The following ARID1B variants were observed in gnomAD, a reference collection of about 807,000 sequenced individuals.
The protein encoded by ARID1B is AT-rich interactive domain-containing protein 1B.
In ARID1B, 30 loss-of-function variants were observed where a neutral mutation model predicts 212.3. The ratio of observed to expected loss-of-function variants is 0.14; its 90% CI spans 0.11 to 0.19. The LOEUF (loss-of-function observed/expected upper bound fraction) is 0.19. Among genes scored for constraint, ARID1B ranks in the 10% least tolerant of loss-of-function variants. The pLI is 1.00. For synonymous variants in ARID1B, 1,402 were observed against 1,301.7 expected, an observed-to-expected ratio of 1.08 and a Z score of -1.66; for missense variants, 2,891 against 3,204.0, an observed-to-expected ratio of 0.90 and a Z score of 2.36.
chr6:157,110,378 TA>T, intron 5 of ARID1B, 93 bp from the exon 6 acceptor site: 1 of 1,092,342 alleles, frequency 9.2e-7, no homozygotes, highest in Non-Finnish European at 1.4e-6. Context: ...TTTGTGATCA[TA>T]AAAATTAAAT....
chr6:157,034,038 T>C (rs1781173756), intron 4 of ARID1B, among the ~76,000 whole-genome samples: 1 of 152,214 alleles, frequency 6.6e-6, no homozygotes, highest in Non-Finnish European at 1.5e-5. Context: ...TATGTCCTAA[T>C]TTTACATTTG....
chr6:157,154,243 C>T (rs1252576415), intron 8 of ARID1B, among the ~76,000 whole-genome samples: 2 of 152,170 alleles, frequency 1.3e-5, no homozygotes, highest in African/African-American at 4.8e-5. Context: ...GATGGACAAA[C>T]AGATTTTAAT....
intron 1 of ARID1B, among the ~76,000 whole-genome samples, chr6:156,803,485 C>T (rs1322870672): frequency 6.6e-6 from 1 of 152,126 alleles, no homozygotes; most frequent in Non-Finnish European, 1.5e-5. Flanking sequence ...CCATCTTCCT[C>T]CCTCTGTACT....
chr6:157,010,389 C>G (rs1428798328), intron 4 of ARID1B, among the ~76,000 whole-genome samples: 1 of 144,342 alleles, frequency 6.9e-6, no homozygotes, highest in Non-Finnish European at 1.5e-5. Context: ...AGTGGCTGAT[C>G]TTGGCTCACT....
intron 11 of ARID1B, among the ~76,000 whole-genome samples, chr6:157,178,620 A>C (rs1277627872): frequency 1.3e-5 from 2 of 152,238 alleles, no homozygotes; most frequent in East Asian, 1.9e-4. Flanking sequence ...GCCTCTTAGA[A>C]GATCTAAAAA....
intron 2 of ARID1B, among the ~76,000 whole-genome samples, chr6:156,834,817 A>C (rs1487052000): frequency 6.6e-6 from 1 of 152,232 alleles, no homozygotes; most frequent in Non-Finnish European, 1.5e-5. Flanking sequence ...TCAGCAGTGA[A>C]CATGAAGGTA....
At chr6:156,894,167 A>C (rs1229077992) in intron 2 of ARID1B, among the ~76,000 whole-genome samples, 1 of 152,078 alleles carries the variant, frequency 6.6e-6, no homozygotes, top group Non-Finnish European at 1.5e-5. Flanking sequence ...TCAGACACAA[A>C]ATAAGCCAGA....
chr6:157,200,855 G>A lies in ARID1B; in HGVS notation c.4630G>A (p.Gly1544Ser), dbSNP rs765083250. Reference sequence around the variant, plus strand: ...GGGCCCGGACCGCAGGCCCATCCAGGGCCAGTACCCGTATCCCTACAGCAG... The same window carrying A: ...GGGCCCGGACCGCAGGCCCATCCAGAGCCAGTACCCGTATCCCTACAGCAG... The part of the protein sequence containing the change: ...YSGPDRRPIQ[G>S]QYPYPYSRER... The change falls in exon 18 of 20, where the codon GGC becomes AGC. Residue 1544 changes from glycine to serine, a missense_variant. By Grantham distance (56) the Gly-to-Ser change is moderately conservative (BLOSUM62 0). Coordinates refer to ENST00000636930, the MANE Select transcript of ARID1B (RefSeq NM_001374828.1). The surrounding 1 kb of genome is among the most constrained non-coding windows in gnomAD (Gnocchi z 4.3). 8 of 1,613,940 alleles carry A rather than the reference G, an allele frequency of 5.0e-6. No individual in the cohort carries two copies. The highest frequency in any genetic ancestry group is 6.8e-6 in the Non-Finnish European group (8 of 1,180,052).
intron 2 of ARID1B, among the ~76,000 whole-genome samples, chr6:156,882,192 G>A (rs1284999109): frequency 6.6e-6 from 1 of 152,078 alleles, no homozygotes; most frequent in African/African-American, 2.4e-5. Context: ...AGTTGAAAGG[G>A]AGTCCTCCCT....
chr6:156,863,759 A>G (rs555984599), intron 2 of ARID1B, among the ~76,000 whole-genome samples: 1 of 152,306 alleles, frequency 6.6e-6, no homozygotes, highest in Non-Finnish European at 1.5e-5. Flanking sequence ...GCAATTGCCA[A>G]AACTGTGTTT....
chr6:156,965,569 A>G (rs1021948111), intron 4 of ARID1B, among the ~76,000 whole-genome samples: 5 of 152,246 alleles, frequency 3.3e-5, no homozygotes, highest in Admixed American at 6.5e-5. Flanking sequence ...GATTAAACAC[A>G]TATTAAGTTT....
chr6:156,797,715 A>G (rs1432916443), intron 1 of ARID1B, among the ~76,000 whole-genome samples: 2 of 152,196 alleles, frequency 1.3e-5, no homozygotes, highest in Non-Finnish European at 2.9e-5. Flanking sequence ...AGACAGCTCG[A>G]TGGAGATGCT....
chr6:156,878,268 C>A (rs1002290454), intron 2 of ARID1B, among the ~76,000 whole-genome samples: 1 of 151,916 alleles, frequency 6.6e-6, no homozygotes, highest in Non-Finnish European at 1.5e-5. Context: ...CGATGAAGAC[C>A]GAGTCTAGCC....
intron 4 of ARID1B, among the ~76,000 whole-genome samples, chr6:156,952,128 G>GT (rs1467268585): frequency 6.6e-6 from 1 of 152,112 alleles, no homozygotes; most frequent in Non-Finnish European, 1.5e-5. Flanking sequence ...TGAAGAGAGT[G>GT]TTTTTTTATA....
chr6:156,841,415 A>G (rs887398534), intron 2 of ARID1B, among the ~76,000 whole-genome samples: 8 of 152,166 alleles, frequency 5.3e-5, no homozygotes, highest in African/African-American at 1.9e-4. Flanking sequence ...CTAGTTGAGA[A>G]TCTTTGATAG....
At chr6:156,853,709 T>C (rs1454913646) in intron 2 of ARID1B, among the ~76,000 whole-genome samples, 1 of 152,174 alleles carries the variant, frequency 6.6e-6, no homozygotes, top group Non-Finnish European at 1.5e-5. Flanking sequence ...CAGATGGGTC[T>C]CATAGTATTA....
At chr6:156,978,110 C>T (rs1204164804) in intron 4 of ARID1B, among the ~76,000 whole-genome samples, 2 of 152,188 alleles carry the variant, frequency 1.3e-5, no homozygotes, top group African/African-American at 4.8e-5. Context: ...GGAGGGAAGA[C>T]TGCCAATACC....
intron 2 of ARID1B, among the ~76,000 whole-genome samples, chr6:156,843,872 G>C (rs2128092367): frequency 6.6e-6 from 1 of 152,248 alleles, no homozygotes; most frequent in Admixed American, 6.5e-5. Flanking sequence ...CAGGTACTTG[G>C]ATGCAGTGTG....
chr6:156,963,577 T>A (rs2128328232), intron 4 of ARID1B, among the ~76,000 whole-genome samples: 1 of 152,332 alleles, frequency 6.6e-6, no homozygotes, highest in African/African-American at 2.4e-5. Context: ...CTTAATTTAG[T>A]TGTCTTTTTT....
Sources: allele counts gnomAD v4.1 joint callset (sites outside exome capture counted in the v4.1 genomes callset), GRCh38; gene constraint gnomAD v4.1.1; non-coding constraint Gnocchi (gnomAD v3.1); transcripts MANE v1.5; gene names NCBI Gene and HGNC (gene_info 2026-07-23, HGNC 2026-07-21).